The following LARS1 variants were observed in gnomAD, a reference collection of about 807,000 sequenced individuals.
LARS1 encodes the protein leucyl-tRNA synthetase 1.
In LARS1, 100 loss-of-function variants were observed where a neutral mutation model predicts 162.8. The ratio of observed to expected loss-of-function variants is 0.61; its 90% confidence interval spans 0.52 to 0.73. LARS1 has a LOEUF of 0.73. LARS1 is among the 30% of genes least tolerant of loss of function. The pLI is 0.00. For missense variants in LARS1, 1,258 were observed against 1,408.9 expected (o/e 0.89, Z 1.71); for synonymous variants, 457 against 462.8 (o/e 0.99, Z 0.16).
At chr5:146,114,691 G>A (rs1429589470) in intron 31 of LARS1, among the ~76,000 whole-genome samples, 1 of 152,026 alleles carries the variant, frequency 6.6e-6, no homozygotes, top group Admixed American at 6.6e-5. Context: ...TGCCAAGATC[G>A]CACCATTGCA....
chr5:146,136,854 T>G (rs751407447), intron 21 of LARS1, among the ~76,000 whole-genome samples: 22 of 152,226 alleles, frequency 1.4e-4, no homozygotes, highest in Non-Finnish European at 8.8e-5. Flanking sequence ...TGTTACATAA[T>G]GCAATTTACA....
chr5:146,155,113 AAGTGCTGGC>A (rs774488929), intron 10 of LARS1, among the ~76,000 whole-genome samples: 22 of 152,198 alleles, frequency 1.4e-4, no homozygotes, highest in Admixed American at 2.6e-4. Context: ...CTGCCTCCCA[AAGTGCTGGC>A]ATTACAGGCA....
chr5:146,165,843 A>C (rs1753981573), intron 5 of LARS1, among the ~76,000 whole-genome samples: 1 of 152,220 alleles, frequency 6.6e-6, no homozygotes, highest in Admixed American at 6.5e-5. Context: ...GGAACAAATA[A>C]AGAAATATAC....
intron 31 of LARS1, among the ~76,000 whole-genome samples, chr5:146,114,876 T>C (rs1292027840): frequency 6.6e-6 from 1 of 150,926 alleles, no homozygotes; most frequent in East Asian, 1.9e-4. Flanking sequence ...AAACCCCATC[T>C]CTACTAAAAT....
At position 146,120,456 on chromosome 5, in the gene LARS1, G is replaced by C. The variant is rs1284711214; in HGVS notation, c.3240C>G (p.His1080Gln). The change falls in exon 31 of 32, where the codon CAC (histidine) becomes CAG (glutamine). Residue 1080 changes from histidine to glutamine, a missense_variant. Coordinates refer to ENST00000394434, the MANE Select transcript of LARS1 (RefSeq NM_020117.11). ...GCCTGATTTCAATTTTGGTTGAGAAGTGGCCATTGGATGGCTGGGGATTCA... is the reference window on the plus strand; with the variant it reads ...GCCTGATTTCAATTTTGGTTGAGAACTGGCCATTGGATGGCTGGGGATTCA... Reference protein sequence around the residue: ...SLVNPQPSNGHFSTKIEIRQG... With the variant: ...SLVNPQPSNGQFSTKIEIRQG... 9.3e-6 allele frequency: 15 copies of C among 1,613,276 alleles called. No homozygotes were observed. The highest frequency in any genetic ancestry group is 1.2e-5 in the Non-Finnish European group (14 of 1,179,426).
chr5:146,132,793 G>C, intron 23 of LARS1, 105 bp downstream of exon 23: 1 of 824,640 alleles, frequency 1.2e-6, no homozygotes, highest in South Asian at 2.0e-5. Context: ...ATTATCATTA[G>C]TTTATTTTAT....
chr5:146,182,449 G>A (rs760753459), intron 1 of LARS1, 39 bp downstream of exon 1: 2 of 1,613,532 alleles, frequency 1.2e-6, no homozygotes, highest in East Asian at 2.2e-5. Flanking sequence ...GGCCAGTCCG[G>A]CTCCAGGGCC....
At chr5:146,180,233 T>A (rs1035035502) in intron 1 of LARS1, among the ~76,000 whole-genome samples, 23 of 151,752 alleles carry the variant, frequency 1.5e-4, no homozygotes, top group Non-Finnish European at 2.6e-4. Context: ...AGTCCCTGTC[T>A]CAAAAAATAA....
intron 31 of LARS1, among the ~76,000 whole-genome samples, chr5:146,115,589 A>AC (rs1764171774): frequency 6.7e-6 from 1 of 148,386 alleles, no homozygotes; most frequent in South Asian, 2.1e-4. Flanking sequence ...ACCAAAAAAA[A>AC]AAAAAAAAAA....
At chr5:146,114,449 C>T (rs1764109521) in intron 31 of LARS1, 138 bp from the exon 32 acceptor site, 4 of 728,080 alleles carry the variant, frequency 5.5e-6, no homozygotes, top group Non-Finnish European at 4.5e-6. Context: ...TAAATAAAAG[C>T]CACGCTGGGT....
intron 1 of LARS1, among the ~76,000 whole-genome samples, chr5:146,179,151 G>A (rs1330509743): frequency 6.6e-6 from 1 of 152,166 alleles, no homozygotes; most frequent in South Asian, 2.1e-4. Flanking sequence ...AGAATTACCT[G>A]AACCCAAGAG....
chr5:146,143,942 C>T (rs1674950755), intron 18 of LARS1, among the ~76,000 whole-genome samples: 1 of 152,080 alleles, frequency 6.6e-6, no homozygotes, highest in Non-Finnish European at 1.5e-5. Context: ...GCAGAGGTTG[C>T]AGTGAGCTGA....
intron 21 of LARS1, among the ~76,000 whole-genome samples, chr5:146,136,154 C>T (rs1469691240): frequency 6.6e-6 from 1 of 152,236 alleles, no homozygotes; most frequent in East Asian, 1.9e-4. Context: ...AGGCACCACT[C>T]ACAGCCTAGC....
intron 14 of LARS1, among the ~76,000 whole-genome samples, chr5:146,151,099 C>T (rs2939520): frequency 0.97 from 147,012 of 152,278 alleles, 71,189 homozygotes; most frequent in East Asian, 1. Context: ...TTTCCTCATC[C>T]GTAAATTGGA....
chr5:146,176,506 TA>T (rs1251441676), intron 2 of LARS1, among the ~76,000 whole-genome samples: 1 of 151,048 alleles, frequency 6.6e-6, no homozygotes, highest in Non-Finnish European at 1.5e-5. Flanking sequence ...AGTATACATG[TA>T]AAAAAATTTG....
At chr5:146,163,546 C>T (rs55681213) in intron 6 of LARS1, among the ~76,000 whole-genome samples, 33,865 of 151,870 alleles carry the variant, frequency 0.22, 4,830 homozygotes, top group Admixed American at 0.34. Flanking sequence ...ATTAGCCAGG[C>T]GTGTTGGCAG....
In LARS1 at chr5:146,128,760, T is replaced by C. The variant is rs2126410845; in HGVS notation, c.2792A>G (p.Gln931Arg). Residue 931 changes from glutamine to arginine, a missense_variant, in exon 27 of 32, where the codon CAG becomes CGG. Gln to Arg is a conservative substitution (Grantham distance 43). Coordinates refer to ENST00000394434, the MANE Select transcript of LARS1 (RefSeq NM_020117.11). ...ATAGATGGTGCAATGTGAGGGCTTCTGCAGGGGTTGTTTGTCAGTCTTCTA... is the reference window on the plus strand; with the variant it reads ...ATAGATGGTGCAATGTGAGGGCTTCCGCAGGGGTTGTTTGTCAGTCTTCTA... ...KGKKTDKQPL[Q>R]KPSHCTIYVA... The C allele has an allele frequency of 3.1e-6, 5 of 1,603,660 alleles. No homozygotes were observed. The highest frequency in any genetic ancestry group is 4.2e-6 in the Non-Finnish European group (5 of 1,177,358).
At chr5:146,168,624 G>A (rs1754126237) in intron 4 of LARS1, among the ~76,000 whole-genome samples, 1 of 152,060 alleles carries the variant, frequency 6.6e-6, no homozygotes, top group South Asian at 2.1e-4. Flanking sequence ...GGCAGAGGGT[G>A]CAGTGAGCCG....
intron 13 of LARS1, among the ~76,000 whole-genome samples, chr5:146,152,486 T>C (rs1171205264): frequency 6.6e-6 from 1 of 152,170 alleles, no homozygotes; most frequent in Non-Finnish European, 1.5e-5. Context: ...GCACGAACCC[T>C]ATTGTGAACT....
Sources: gnomAD v4.1 joint callset for allele counts (sites outside exome capture counted in the v4.1 genomes callset) on GRCh38, gnomAD v4.1.1 for gene constraint, MANE v1.5 for transcripts, NCBI Gene and HGNC (gene_info 2026-07-23, HGNC 2026-07-21) for gene names.